The following HMCN1 variants were observed in gnomAD, a reference collection of about 807,000 sequenced individuals.
HMCN1 encodes the protein hemicentin 1.
In HMCN1, 321 loss-of-function variants were observed where a neutral mutation model predicts 625.9. The observed-to-expected ratio is 0.51, with a 90% CI of 0.47 to 0.56. The LOEUF is 0.56. Ranked by LOEUF, HMCN1 falls within the 20% of genes least tolerant of loss-of-function variation. The probability of loss-of-function intolerance (pLI) is 0.00; values close to 1 mark genes in which losing one functional copy is unlikely to be tolerated. For missense variants in HMCN1, 6,588 were observed against 6,887.3 expected, an observed-to-expected ratio of 0.96 and a Z score of 1.54; for synonymous variants, 2,425 against 2,417.6, an observed-to-expected ratio of 1.00 and a Z score of -0.09.
At chr1:185,846,334 A>C (rs550547960) in intron 2 of HMCN1, among the ~76,000 whole-genome samples, 1 of 152,196 alleles carries the variant, frequency 6.6e-6, no homozygotes, top group Non-Finnish European at 1.5e-5. Context: ...GGTTTACACT[A>C]TCACGGCAGA....
Position 186,130,574 on chromosome 1 carries a change from G to T in HMCN1, c.13107G>T (p.Leu4369=). ...AACCACTTGGTGGGAATGCAATCCT[G>T]AATTGTGAGGTGAAAGGAGACCCCA... is the stretch of plus-strand genomic sequence containing the variant. ...WIEPLGGNAI[L]NCEVKGDPTP... The change falls in exon 85 of 107, where the codon CTG becomes CTT. Residue 4369 remains leucine (L), a synonymous_variant. Transcript: ENST00000271588. 1 of 1,613,586 alleles carries T rather than the reference G, an allele frequency of 6.2e-7. No individual in the cohort carries two copies. Among genetic ancestry groups the T allele is most frequent in the Admixed American group, 1.7e-5 (1 of 59,942 alleles).
intron 97 of HMCN1, among the ~76,000 whole-genome samples, chr1:186,160,993 G>A (rs962844480): frequency 3.3e-5 from 5 of 152,124 alleles, no homozygotes; most frequent in East Asian, 1.9e-4. Flanking sequence ...TTTCTGTCTC[G>A]TTGATCTGTC....
At chr1:185,852,556 T>C (rs993344677) in intron 2 of HMCN1, among the ~76,000 whole-genome samples, 2 of 147,528 alleles carry the variant, frequency 1.4e-5, no homozygotes, top group Non-Finnish European at 3.0e-5. Flanking sequence ...TTTCATAATA[T>C]GCATTTGCTT....
At chr1:185,806,821 T>C (rs1659202576) in intron 1 of HMCN1, among the ~76,000 whole-genome samples, 1 of 152,156 alleles carries the variant, frequency 6.6e-6, no homozygotes, top group Non-Finnish European at 1.5e-5. Context: ...GTTTTTATTA[T>C]ATTTAATTTA....
At chr1:185,956,142 G>A (rs1041607067) in intron 11 of HMCN1, among the ~76,000 whole-genome samples, 2 of 152,132 alleles carry the variant, frequency 1.3e-5, no homozygotes, top group African/African-American at 4.8e-5. Context: ...AAAAGTCAAA[G>A]TGTATCTTTC....
At chr1:186,102,441 T>A (rs1159517204) in intron 68 of HMCN1, among the ~76,000 whole-genome samples, 1 of 152,122 alleles carries the variant, frequency 6.6e-6, no homozygotes, top group Non-Finnish European at 1.5e-5. Flanking sequence ...ATAAGTTTTT[T>A]AAAACCTTTA....
chr1:185,790,543 A>G (rs1489778585), intron 1 of HMCN1, among the ~76,000 whole-genome samples: 5 of 152,340 alleles, frequency 3.3e-5, no homozygotes, highest in African/African-American at 4.8e-5. Context: ...CTGGGCCTCC[A>G]GATCATGAGG....
intron 1 of HMCN1, among the ~76,000 whole-genome samples, chr1:185,782,104 C>T (rs1336993829): frequency 2.0e-5 from 3 of 152,114 alleles, no homozygotes; most frequent in Admixed American, 6.5e-5. Context: ...TATGTAATGG[C>T]CTTCTTTGTC....
intron 11 of HMCN1, among the ~76,000 whole-genome samples, chr1:185,952,471 G>T (rs1419459788): frequency 2.0e-5 from 3 of 151,674 alleles, no homozygotes; most frequent in Non-Finnish European, 4.4e-5. Context: ...GAAGATTTGG[G>T]ACGAGTTGCA....
intron 2 of HMCN1, among the ~76,000 whole-genome samples, chr1:185,856,032 C>T (rs1662443599): frequency 6.6e-6 from 1 of 152,216 alleles, no homozygotes. Flanking sequence ...GCACATGTCA[C>T]TGACGAACTC....
At chr1:186,186,352 C>G (rs1223890728) in intron 105 of HMCN1, among the ~76,000 whole-genome samples, 3 of 152,062 alleles carry the variant, frequency 2.0e-5, no homozygotes, top group Non-Finnish European at 2.9e-5. Flanking sequence ...CATGGTGAAA[C>G]CTCCTCTCTA....
intron 68 of HMCN1, among the ~76,000 whole-genome samples, chr1:186,103,102 G>T (rs1394367445): frequency 6.6e-6 from 1 of 151,750 alleles, no homozygotes; most frequent in Non-Finnish European, 1.5e-5. Context: ...GGTATTTAAA[G>T]ATACAAAAAC....
intron 4 of HMCN1, among the ~76,000 whole-genome samples, chr1:185,885,026 C>T (rs538875232): frequency 6.6e-6 from 1 of 151,308 alleles, no homozygotes; most frequent in African/African-American, 2.4e-5. Flanking sequence ...AGAAAAATTA[C>T]ATTAATATAT....
At chr1:186,122,859 T>A in intron 80 of HMCN1, 92 bp from the exon 81 acceptor site, 1 of 1,341,666 alleles carries the variant, frequency 7.5e-7, no homozygotes, top group South Asian at 1.2e-5. Context: ...TTGTTTCTTA[T>A]CAATGTTTGC....
rs112694482 is a variant in HMCN1 at position 186,076,298 on chromosome 1, GC to G, written c.8291-129del. 2.0e-3 allele frequency: 1,828 copies of G among 908,930 alleles called. 24 individuals are homozygous for G. In the African/African-American group the frequency reaches 0.027, roughly 14 times the overall value. 56.3% of individuals were successfully genotyped at this position (908,930 alleles called of 1,614,324 possible). A position where few individuals can be genotyped will look rare whatever the true frequency, so the allele number is the denominator to read the frequency against. ...TGGCTAAGGGCTAGAGTTGGTGGTG[GC>G]GTCAGTACTTGAAATTATTTCCACA... On this transcript the variant is annotated intron_variant, in intron 53 of 106. Coordinates refer to ENST00000271588, the MANE Select transcript of HMCN1 (RefSeq NM_031935.3).
In HMCN1 at chr1:186,062,090, G is replaced by A; in HGVS notation, c.7426+126G>A. The stretch of plus-strand genomic sequence containing the variant: ...TTTAGACCCTGGACTGTGACTCTTG[G>A]CAAGAATTCAATATCAGAATTGTTT... On this transcript the variant is annotated intron_variant, in intron 47 of 106. Coordinates refer to ENST00000271588, the MANE Select transcript of HMCN1 (RefSeq NM_031935.3). 6 of 629,310 alleles carry A rather than the reference G, an allele frequency of 9.5e-6. 1 individual carries two copies. The South Asian group carries it at 9.9e-5, about 10-fold the overall frequency. 39.0% of individuals were successfully genotyped at this position (629,310 alleles called of 1,614,324 possible). A position where few individuals can be genotyped will look rare whatever the true frequency, so the allele number is the denominator to read the frequency against.
chr1:186,018,269 A>T lies in HMCN1; in HGVS notation c.5387A>T (p.Gln1796Leu), dbSNP rs748699970. Residue 1796 changes from glutamine to leucine, a missense_variant, in exon 34 of 107, where the codon CAA becomes CTA. This residue lies in a region of HMCN1 where 4,628 missense variants were observed against 4,853.1 expected (regional missense o/e 0.95). Transcript: ENST00000271588. Reference sequence around the variant, plus strand: ...CGCAAACTGGTTATTGCTCAGGCTCAAGTGTCAAACACAGGCCTTTATCGG... The same window carrying T: ...CGCAAACTGGTTATTGCTCAGGCTCTAGTGTCAAACACAGGCCTTTATCGG... ...NGRKLVIAQA[Q>L]VSNTGLYRCM... 1 of 1,613,052 alleles carries T rather than the reference A, an allele frequency of 6.2e-7. No homozygotes were observed. The highest frequency in any genetic ancestry group is 1.7e-5 in the Admixed American group (1 of 59,934).
At chr1:186,166,047 G>C (rs1651857287) in intron 98 of HMCN1, 137 bp from the exon 99 acceptor site, 1 of 840,286 alleles carries the variant, frequency 1.2e-6, no homozygotes, top group East Asian at 2.6e-5. Flanking sequence ...AATTCATTTT[G>C]TGGCACTTAA....
At position 186,086,272 on chromosome 1, in the gene HMCN1, T is replaced by A; in HGVS notation, c.8911T>A (p.Ser2971Thr). The change falls in exon 58 of 107, where the codon TCT (serine) becomes ACT (threonine). Residue 2971 changes from serine to threonine, a missense_variant. This residue lies in a region of HMCN1 where 4,628 missense variants were observed against 4,853.1 expected (regional missense o/e 0.95). Coordinates refer to ENST00000271588, the MANE Select transcript of HMCN1 (RefSeq NM_031935.3). ...HVPPSVIGPK[S>T]ENLTVVVNNF... ...TCCTCCAAGTGTCATTGGTCCTAAA[T>A]CTGAAAATCTTACCGTCGTGGTGAA... 1.2e-6 allele frequency: 2 copies of A among 1,612,882 alleles called. No individual in the cohort carries two copies. Among genetic ancestry groups the A allele is most frequent in the Non-Finnish European group, 1.7e-6 (2 of 1,179,110 alleles).
Sources: gnomAD v4.1 joint callset for allele counts (sites outside exome capture counted in the v4.1 genomes callset) on GRCh38, gnomAD v4.1.1 for gene constraint, gnomAD v4.1.1 regional missense constraint, MANE v1.5 for transcripts, NCBI Gene and HGNC (gene_info 2026-07-23, HGNC 2026-07-21) for gene names.